Variants in BARD1 observed in about 807,000 individuals in gnomAD.
BARD1 encodes the protein BRCA1 associated RING domain 1, also known as BRCA1-associated RING domain protein 1.
Under a neutral mutation model 77.0 loss-of-function variants are expected in BARD1, and 73 were observed. The ratio of observed to expected loss-of-function variants is 0.95; its 90% CI spans 0.79 to 1.15. BARD1 has a LOEUF of 1.15. Among genes scored for constraint, BARD1 ranks in the 50% most tolerant of loss-of-function variants. BARD1 has a pLI of 0.00. For missense variants in BARD1, 993 were observed against 938.8 expected (o/e 1.06, Z -0.75); for synonymous variants, 384 against 338.0 (o/e 1.14, Z -1.49).
At chr2:214,782,900 T>C (rs1220836288) in intron 3 of BARD1, among the ~76,000 whole-genome samples, 1 of 152,188 alleles carries the variant, frequency 6.6e-6, no homozygotes, top group African/African-American at 2.4e-5. Flanking sequence ...AGAGGAAATA[T>C]ATTGGCTCTG....
chr2:214,728,664 C>A lies in BARD1; in HGVS notation c.*12G>T. 1 of 1,613,242 alleles carries A rather than the reference C, an allele frequency of 6.2e-7. No homozygotes were observed. The highest frequency in any genetic ancestry group is 8.5e-7 in the Non-Finnish European group (1 of 1,179,644). On this transcript the variant is annotated 3_prime_UTR_variant, in exon 11 of 11. Transcript: ENST00000260947. ...TGCAAATTCAATTTGAAATGTTCAT[C>A]TGGTATAATATTCAGCTGTCAAGAG...
At chr2:214,760,295 C>G (rs1001612592) in intron 6 of BARD1, among the ~76,000 whole-genome samples, 1 of 152,120 alleles carries the variant, frequency 6.6e-6, no homozygotes, top group African/African-American at 2.4e-5. Context: ...CAGGTTCAAG[C>G]GATTCTTGTG....
chr2:214,806,873 AGG>A (rs35152978), intron 1 of BARD1, among the ~76,000 whole-genome samples: 10,032 of 57,222 alleles, frequency 0.18, 486 homozygotes, highest in African/African-American at 0.27. Flanking sequence ...AACTTTGCCT[AGG>A]GAAAAAAAAA....
At chr2:214,805,765 C>T (rs1414954857) in intron 1 of BARD1, among the ~76,000 whole-genome samples, 1 of 148,236 alleles carries the variant, frequency 6.7e-6, no homozygotes, top group Non-Finnish European at 1.5e-5. Context: ...AACAAGAACT[C>T]AGAAAAAAAA....
intron 1 of BARD1, among the ~76,000 whole-genome samples, chr2:214,802,767 C>T (rs1696081799): frequency 6.6e-6 from 1 of 152,164 alleles, no homozygotes; most frequent in South Asian, 2.1e-4. Context: ...AAAATCCAAA[C>T]AAATAAGAGA....
At chr2:214,785,672 C>G (rs953141549) in intron 3 of BARD1, among the ~76,000 whole-genome samples, 11 of 151,652 alleles carry the variant, frequency 7.3e-5, no homozygotes, top group African/African-American at 2.7e-4. Context: ...GGCACTCTAT[C>G]TCTCCACACA....
intron 7 of BARD1, among the ~76,000 whole-genome samples, 187 bp from the exon 8 acceptor site, chr2:214,746,041 A>C (rs185126752): frequency 6.6e-6 from 1 of 152,244 alleles, no homozygotes; most frequent in East Asian, 1.9e-4. Context: ...TTTTCCCTCA[A>C]GAAAATGTCA....
At position 214,728,873 on chromosome 2, in the gene BARD1, C is replaced by T. The variant is rs546077003; in HGVS notation, c.2137G>A (p.Val713Met). 2.0e-5 allele frequency: 32 copies of T among 1,614,186 alleles called. No homozygotes were observed. Among genetic ancestry groups the T allele is most frequent in the African/African-American group, 5.3e-5 (4 of 75,038 alleles). The change falls in exon 11 of 11, where the codon GTG (valine) becomes ATG (methionine). Residue 713 changes from valine (V) to methionine (M), a missense_variant. Transcript: ENST00000260947. The part of the protein sequence containing the change: ...LSRKPKPDSD[V>M]TQTINTVAYH... ...GCGACTGTATTGATGGTCTGAGTCA[C>T]GTCACTGTCTGGCTTGGGCTTTCTA...
intron 3 of BARD1, among the ~76,000 whole-genome samples, chr2:214,781,980 C>T (rs998016537): frequency 7.2e-5 from 11 of 151,912 alleles, no homozygotes; most frequent in South Asian, 2.1e-4. Flanking sequence ...TTGTAAAACT[C>T]GACAAGCAAT....
intron 1 of BARD1, 81 bp downstream of exon 1, chr2:214,809,331 A>C (rs1200917224): frequency 1.9e-6 from 3 of 1,576,058 alleles, no homozygotes; most frequent in African/African-American, 1.4e-5. Context: ...GAGGAAACGG[A>C]AGATTTGAAA....
chr2:214,777,245 G>C (rs1035366471), intron 4 of BARD1, among the ~76,000 whole-genome samples: 1 of 152,206 alleles, frequency 6.6e-6, no homozygotes, highest in African/African-American at 2.4e-5. Context: ...GGCAAGAAAA[G>C]AGAAGTAGCT....
intron 3 of BARD1, among the ~76,000 whole-genome samples, chr2:214,789,229 T>C (rs1013652747): frequency 6.6e-6 from 1 of 152,086 alleles, no homozygotes; most frequent in African/African-American, 2.4e-5. Context: ...AGAATGTATT[T>C]TAAAATTATT....
At chr2:214,771,007 G>C (rs1694457582) in intron 4 of BARD1, among the ~76,000 whole-genome samples, 1 of 152,096 alleles carries the variant, frequency 6.6e-6, no homozygotes, top group Non-Finnish European at 1.5e-5. Context: ...AAAATCTCTA[G>C]CTGTAATATA....
chr2:214,749,796 A>G (rs1693318670), intron 7 of BARD1, among the ~76,000 whole-genome samples: 1 of 142,642 alleles, frequency 7.0e-6, no homozygotes, highest in Non-Finnish European at 1.5e-5. Context: ...TTTTTTTTTT[A>G]ATGGCTGGTT....
intron 9 of BARD1, among the ~76,000 whole-genome samples, chr2:214,741,927 A>G (rs75443882): frequency 1.3e-4 from 6 of 45,582 alleles, no homozygotes; most frequent in Non-Finnish European, 3.1e-4. Flanking sequence ...AATCTTTTGT[A>G]TAATTCTTTT....
chr2:214,804,558 T>A (rs1185113779), intron 1 of BARD1, among the ~76,000 whole-genome samples: 1 of 152,202 alleles, frequency 6.6e-6, no homozygotes, highest in Middle Eastern at 3.2e-3. Context: ...TTAAACTTCA[T>A]CCAGTGGACA....
At chr2:214,787,479 G>GGC (rs1695324251) in intron 3 of BARD1, among the ~76,000 whole-genome samples, 1 of 151,796 alleles carries the variant, frequency 6.6e-6, no homozygotes, top group African/African-American at 2.4e-5. Flanking sequence ...AATATTCTAA[G>GGC]ATAAAACTGT....
At position 214,727,583 on chromosome 2, in the gene BARD1, G is replaced by A. The variant is rs1329261627; in HGVS notation, c.*1093C>T. 6 of 232,140 alleles carry A rather than the reference G, an allele frequency of 2.6e-5. No individual in the cohort carries two copies. The highest frequency in any genetic ancestry group is 4.3e-5 in the Non-Finnish European group (5 of 117,390). 14.4% of individuals were successfully genotyped at this position (232,140 alleles called of 1,614,324 possible). On this transcript the variant is annotated 3_prime_UTR_variant, in exon 11 of 11. Coordinates refer to ENST00000260947, the MANE Select transcript of BARD1 (RefSeq NM_000465.4). ...CCTCCCCACATCTGGCCACTCTCAG[G>A]TGGTATCCTGCCCACTCACTAAGGC...
intron 9 of BARD1, among the ~76,000 whole-genome samples, chr2:214,736,332 G>T (rs1692564394): frequency 6.6e-6 from 1 of 151,992 alleles, no homozygotes; most frequent in Non-Finnish European, 1.5e-5. Context: ...CAGTGAAATG[G>T]TTAACTCAAA....
Sources: allele counts gnomAD v4.1 joint callset (sites outside exome capture counted in the v4.1 genomes callset), GRCh38; gene constraint gnomAD v4.1.1; transcripts MANE v1.5; gene names NCBI Gene and HGNC (gene_info 2026-07-23, HGNC 2026-07-21).